The following ZNF441 variants were observed in gnomAD, a reference collection of about 807,000 sequenced individuals.
The protein encoded by ZNF441 is zinc finger protein 441.
In ZNF441, 25 loss-of-function variants were observed where a neutral mutation model predicts 64.5. That is an observed-to-expected ratio of 0.39 (90% CI 0.28 to 0.54). The LOEUF is 0.54. Among genes scored for constraint, ZNF441 ranks in the 20% least tolerant of loss-of-function variants. ZNF441 has a pLI of 0.70. For missense variants in ZNF441, 715 were observed against 843.3 expected (o/e 0.85, Z 1.88); for synonymous variants, 262 against 268.0 (o/e 0.98, Z 0.22).
intron 1 of ZNF441, among the ~76,000 whole-genome samples, chr19:11,775,931 A>G (rs973399145): frequency 2.0e-5 from 3 of 152,124 alleles, no homozygotes; most frequent in African/African-American, 7.2e-5. Flanking sequence ...CTCAGCCTGA[A>G]TGCCCTAATT....
chr19:11,781,511 C>A lies in ZNF441; in HGVS notation c.1687C>A (p.Gln563Lys). The change falls in exon 4 of 4, where the codon CAA becomes AAA. Residue 563 changes from glutamine (Q) to lysine (K), a missense_variant. Physicochemically the swap from Gln to Lys is moderately conservative, Grantham distance 53. Around this residue, in one of 2 missense-constraint regions of ZNF441, gnomAD observed 316 missense variants for 429.3 expected, o/e 0.74. Coordinates refer to ENST00000357901, the MANE Select transcript of ZNF441 (RefSeq NM_152355.3). ...TGGAGAGAAACCCTATGGTTGTCAG[C>A]AATGTGGGAAAGCATTATCTGATCT... ...HTGEKPYGCQ[Q>K]CGKALSDLSS... is the part of the protein sequence containing the mutation. The A allele has an allele frequency of 6.2e-7, 1 of 1,613,706 alleles. No individual in the cohort carries two copies. The highest frequency in any genetic ancestry group is 8.5e-7 in the Non-Finnish European group (1 of 1,179,906).
At chr19:11,773,590 C>A (rs1599268670) in intron 1 of ZNF441, among the ~76,000 whole-genome samples, 1 of 152,084 alleles carries the variant, frequency 6.6e-6, no homozygotes, top group South Asian at 2.1e-4. Context: ...TGTATTTTGT[C>A]ATGTGGTTTT....
chr19:11,776,663 C>CT (rs1399506059), intron 1 of ZNF441, among the ~76,000 whole-genome samples: 1 of 152,056 alleles, frequency 6.6e-6, no homozygotes, highest in Non-Finnish European at 1.5e-5. Flanking sequence ...CCTTATTAGT[C>CT]TTTTGTCATA....
At chr19:11,779,959 T>G in intron 3 of ZNF441, 60 bp from the exon 4 acceptor site, 1 of 1,328,400 alleles carries the variant, frequency 7.5e-7, no homozygotes, top group South Asian at 1.4e-5. Flanking sequence ...AATCCAATAC[T>G]TATTAATACA....
In ZNF441 at chr19:11,767,989, T is replaced by A. The variant is rs909927339; in HGVS notation, c.3+793T>A. ...GAGGAGGCTGCACGGTGATGACAGG[T>A]CACCAGGCAGACTCGTGTGTGGGGT... is the stretch of plus-strand genomic sequence containing the variant. On this transcript the variant is annotated intron_variant, in intron 1 of 3. Coordinates refer to ENST00000357901, the MANE Select transcript of ZNF441 (RefSeq NM_152355.3). This position sits in a 1 kb window ranked among gnomAD's most constrained non-coding sequence, Gnocchi z 5.1. 2.0e-5 allele frequency among the ~76,000 whole-genome samples: 3 copies of A among 152,072 alleles called. No individual in the cohort carries two copies. Among genetic ancestry groups the A allele is most frequent in the Admixed American group, 2.0e-4 (3 of 15,286 alleles).
intron 2 of ZNF441, chr19:11,778,075 C>G: frequency 2.3e-6 from 1 of 444,064 alleles, no homozygotes; most frequent in African/African-American, 2.0e-5. Context: ...GAAAATACAA[C>G]ATTACAAAGT....
At chr19:11,776,069 T>C (rs1464479590) in intron 1 of ZNF441, among the ~76,000 whole-genome samples, 2 of 152,206 alleles carry the variant, frequency 1.3e-5, no homozygotes, top group Non-Finnish European at 2.9e-5. Context: ...TTGAAGCAGT[T>C]CCTGCCAAGC....
Position 11,767,405 on chromosome 19 carries a change from G to A in ZNF441, c.3+209G>A, listed in dbSNP as rs576134178. 2.0e-5 allele frequency among the ~76,000 whole-genome samples: 3 copies of A among 152,374 alleles called. No homozygotes were observed. In the South Asian group the frequency reaches 6.2e-4, roughly 32 times the overall value. Reference sequence around the variant, plus strand: ...TCCCTGCGCGGCCACTGCGGCCCTGGCCCTGGAGGCCTGTCTGGGCAGCTC... The same window carrying A: ...TCCCTGCGCGGCCACTGCGGCCCTGACCCTGGAGGCCTGTCTGGGCAGCTC... On this transcript the variant is annotated intron_variant, in intron 1 of 3. Coordinates refer to ENST00000357901, the MANE Select transcript of ZNF441 (RefSeq NM_152355.3). The surrounding 1 kb of genome is among the most constrained non-coding windows in gnomAD (Gnocchi z 5.1).
rs1016153065 is a variant in ZNF441 at position 11,781,128 on chromosome 19, A to G, written c.1304A>G (p.Gln435Arg). ...GCCTTCATTTGTTGCACTTACCTTC[A>G]AATACATGAAAGAATTCACACTGGG... ...GKAFICCTYL[Q>R]IHERIHTGER... The change falls in exon 4 of 4, where the codon CAA becomes CGA. Residue 435 changes from glutamine (Q) to arginine (R), a missense_variant. Gln to Arg is a conservative substitution (Grantham distance 43). Around this residue, in one of 2 missense-constraint regions of ZNF441, gnomAD observed 316 missense variants for 429.3 expected, o/e 0.74. Coordinates refer to ENST00000357901, the MANE Select transcript of ZNF441 (RefSeq NM_152355.3). 3 of 1,613,856 alleles carry G rather than the reference A, an allele frequency of 1.9e-6. No individual in the cohort carries two copies. In the African/African-American group the frequency reaches 4.0e-5, roughly 22 times the overall value.
In ZNF441 at chr19:11,782,579, C is replaced by T. The variant is rs1273833022; in HGVS notation, c.*673C>T. On this transcript the variant is annotated 3_prime_UTR_variant, in exon 4 of 4. Coordinates refer to ENST00000357901, the MANE Select transcript of ZNF441 (RefSeq NM_152355.3). ...CAACTGTCATTCATTGTCCTAAGTA[C>T]GTGTACATGTCAGCAACAATGTCAG... 1 of 152,124 alleles carries T rather than the reference C, an allele frequency of 6.6e-6. No homozygotes were observed. Among genetic ancestry groups the T allele is most frequent in the African/African-American group, 2.4e-5 (1 of 41,428 alleles). The allele number at this position is 152,124 out of a possible 1,614,324, so 9.4% of individuals were successfully genotyped here.
intron 1 of ZNF441, among the ~76,000 whole-genome samples, chr19:11,775,360 C>T (rs4804644): frequency 0.33 from 50,644 of 151,990 alleles, 8,814 homozygotes; most frequent in Middle Eastern, 0.4. Context: ...GATGGAGTCT[C>T]GCGCTGTCGC....
In ZNF441 at chr19:11,782,214, A is replaced by T. The variant is rs1330384568; in HGVS notation, c.*308A>T. On this transcript the variant is annotated 3_prime_UTR_variant, in exon 4 of 4. Coordinates refer to ENST00000357901, the MANE Select transcript of ZNF441 (RefSeq NM_152355.3). ...GAAATGCATTTACTAGTCCTAATTC[A>T]TTTCAGTTACATGAAAGATTTCAAA... The T allele has an allele frequency of 4.9e-6, 1 of 203,528 alleles. No homozygotes were observed. Among genetic ancestry groups the T allele is most frequent in the Non-Finnish European group, 9.9e-6 (1 of 101,174 alleles). 12.6% of individuals were successfully genotyped at this position (203,528 alleles called of 1,614,324 possible). A position where few individuals can be genotyped will look rare whatever the true frequency, so the allele number is the denominator to read the frequency against.
chr19:11,768,938 G>A (rs1975292139), intron 1 of ZNF441, among the ~76,000 whole-genome samples: 1 of 152,188 alleles, frequency 6.6e-6, no homozygotes, highest in Admixed American at 6.5e-5. Flanking sequence ...GCAAGAACCT[G>A]AAAAGCTAAC....
chr19:11,777,890 C>A, intron 2 of ZNF441, 153 bp downstream of exon 2: 1 of 700,012 alleles, frequency 1.4e-6, no homozygotes, highest in Non-Finnish European at 2.2e-6. Context: ...CACAACTTAA[C>A]CACTAGTAGC....
In ZNF441 at chr19:11,767,606, T is replaced by G; in HGVS notation, c.3+410T>G. On this transcript the variant is annotated intron_variant, in intron 1 of 3. Coordinates refer to ENST00000357901, the MANE Select transcript of ZNF441 (RefSeq NM_152355.3). The surrounding 1 kb of genome is among the most constrained non-coding windows in gnomAD (Gnocchi z 5.1). ...GGTTTGGGGATGGGGTGTTTAGGGGTGTGGACAGGGGCGGCTGGGGCGTGG... is the reference window on the plus strand; with the variant it reads ...GGTTTGGGGATGGGGTGTTTAGGGGGGTGGACAGGGGCGGCTGGGGCGTGG... Among the ~76,000 whole-genome samples the G allele has an allele frequency of 6.9e-6, 1 of 143,900 alleles. No individual in the cohort carries two copies. Among genetic ancestry groups the G allele is most frequent in the African/African-American group, 2.6e-5 (1 of 38,046 alleles). 94.4% of individuals were successfully genotyped at this position (143,900 alleles called of 152,430 possible).
At chr19:11,779,112 G>A (rs1189023779) in intron 3 of ZNF441, among the ~76,000 whole-genome samples, 4 of 152,064 alleles carry the variant, frequency 2.6e-5, no homozygotes, top group African/African-American at 4.8e-5. Context: ...CTTGAGCCCA[G>A]GTGTTCAATC....
Position 11,781,701 on chromosome 19 carries a change from A to G in ZNF441, c.1877A>G (p.His626Arg), listed in dbSNP as rs747559889. ...AAGGAATGTGGTAAAGCCTTCAGTCATTCAAGTTACTTACGAATACACGAA... is the reference window on the plus strand; with the variant it reads ...AAGGAATGTGGTAAAGCCTTCAGTCGTTCAAGTTACTTACGAATACACGAA... ...ECKECGKAFSHSSYLRIHERV... is the reference protein window; with the variant it reads ...ECKECGKAFSRSSYLRIHERV... Residue 626 changes from histidine to arginine, a missense_variant, in exon 4 of 4, where the codon CAT becomes CGT. Physicochemically the swap from His to Arg is conservative, Grantham distance 29 (BLOSUM62 0). Transcript: ENST00000357901. 1.9e-6 allele frequency: 3 copies of G among 1,613,992 alleles called. No homozygotes were observed. The highest frequency in any genetic ancestry group is 2.7e-5 in the African/African-American group (2 of 74,940).
Position 11,781,248 on chromosome 19 carries a change from A to G in ZNF441, c.1424A>G (p.Tyr475Cys). 2 of 1,613,862 alleles carry G rather than the reference A, an allele frequency of 1.2e-6. No homozygotes were observed. Among genetic ancestry groups the G allele is most frequent in the Non-Finnish European group, 1.7e-6 (2 of 1,179,958 alleles). ...HEKTHTGEKP[Y>C]ECKQCGKALS... Reference sequence around the variant, plus strand: ...AAGACTCACACTGGAGAAAAGCCCTATGAATGTAAGCAGTGTGGAAAAGCA... The same window carrying G: ...AAGACTCACACTGGAGAAAAGCCCTGTGAATGTAAGCAGTGTGGAAAAGCA... The change falls in exon 4 of 4, where the codon TAT becomes TGT. Residue 475 changes from tyrosine to cysteine, a missense_variant. Tyr to Cys is a radical substitution (Grantham distance 194). Around this residue, in one of 2 missense-constraint regions of ZNF441, gnomAD observed 316 missense variants for 429.3 expected, o/e 0.74. Transcript: ENST00000357901.
intron 1 of ZNF441, among the ~76,000 whole-genome samples, chr19:11,771,061 A>G (rs769111716): frequency 1.3e-5 from 2 of 152,236 alleles, no homozygotes; most frequent in Non-Finnish European, 2.9e-5. Context: ...AGAGGAAAAT[A>G]ACAATGAGAG....
Sources: allele counts gnomAD v4.1 joint callset (sites outside exome capture counted in the v4.1 genomes callset), GRCh38; gene constraint gnomAD v4.1.1; regional missense constraint gnomAD v4.1.1; non-coding constraint Gnocchi (gnomAD v3.1); transcripts MANE v1.5; gene names NCBI Gene and HGNC (gene_info 2026-07-23, HGNC 2026-07-21).